PTPRN2: variants seen among roughly 807,000 people sequenced by gnomAD.
The protein encoded by PTPRN2 is protein tyrosine phosphatase receptor type N2.
In PTPRN2, 74 loss-of-function variants were observed where a neutral mutation model predicts 118.8. The ratio of observed to expected loss-of-function variants is 0.62; its 90% CI spans 0.52 to 0.76. The LOEUF is 0.76. PTPRN2 is among the 30% of genes least tolerant of loss of function. The pLI is 0.00. For synonymous variants in PTPRN2, 641 were observed against 608.0 expected, an observed-to-expected ratio of 1.05 and a Z score of -0.80; for missense variants, 1,481 against 1,394.4, an observed-to-expected ratio of 1.06 and a Z score of -0.99.
chr7:158,263,463 C>G (rs4909160), intron 3 of PTPRN2, among the ~76,000 whole-genome samples: 2 of 152,208 alleles, frequency 1.3e-5, no homozygotes, highest in East Asian at 3.9e-4. Context: ...CATCTTCTCC[C>G]GACCGCATCC....
chr7:157,682,768 C>T lies in PTPRN2; in HGVS notation c.1958G>A (p.Gly653Glu). The T allele has an allele frequency of 3.1e-6, 5 of 1,614,070 alleles. No individual in the cohort carries two copies. The highest frequency in any genetic ancestry group is 4.2e-6 in the Non-Finnish European group (5 of 1,180,054). ...ATCTGCACCTGGGTCGCCCCCTAGTCCCGAGAGCTTCTCCTTCAGCCTGTG... is the reference window on the plus strand; with the variant it reads ...ATCTGCACCTGGGTCGCCCCCTAGTTCCGAGAGCTTCTCCTTCAGCCTGTG... Reference protein sequence around the residue: ...SQHRLKEKLSGLGGDPGADAT... With the variant: ...SQHRLKEKLSELGGDPGADAT... The change falls in exon 13 of 23, where the codon GGA becomes GAA. Residue 653 changes from glycine to glutamate, a missense_variant. Around this residue, in one of 3 missense-constraint regions of PTPRN2, gnomAD observed 1,115 missense variants for 994.2 expected, o/e 1.12. Transcript: ENST00000389418.
At position 157,869,905 on chromosome 7, in the gene PTPRN2, C is replaced by A. The variant is rs980102565; in HGVS notation, c.1788+28768G>T. Among the ~76,000 whole-genome samples, 3 of 152,178 alleles carry A rather than the reference C, an allele frequency of 2.0e-5. No individual in the cohort carries two copies. The highest frequency in any genetic ancestry group is 4.4e-5 in the Non-Finnish European group (3 of 68,026). The stretch of plus-strand genomic sequence containing the variant: ...TCAACATGCAAAATGCCTTGAGCAT[C>A]CCAACATCTACTGCCATGACCTTTG... On this transcript the variant is annotated intron_variant, in intron 12 of 22. Coordinates refer to ENST00000389418, the MANE Select transcript of PTPRN2 (RefSeq NM_002847.5). The surrounding 1 kb of genome is among the most constrained non-coding windows in gnomAD (Gnocchi z 4.2).
chr7:158,337,724 ACGT>A (rs1805955837), intron 2 of PTPRN2, among the ~76,000 whole-genome samples: 1 of 150,166 alleles, frequency 6.7e-6, no homozygotes, highest in Non-Finnish European at 1.5e-5. Flanking sequence ...ACGCCCGCAG[ACGT>A]CACTCACAAC....
At chr7:158,327,017 ATAT>A (rs1803642966) in intron 2 of PTPRN2, among the ~76,000 whole-genome samples, 1 of 151,432 alleles carries the variant, frequency 6.6e-6, no homozygotes, top group Admixed American at 6.6e-5. Flanking sequence ...GCATTCTCAC[ATAT>A]ATACACATTC....
chr7:157,725,388 G>A (rs1384575459), intron 12 of PTPRN2, among the ~76,000 whole-genome samples: 1 of 76,988 alleles, frequency 1.3e-5, no homozygotes, highest in Non-Finnish European at 2.8e-5. Context: ...CCTCCCAGGA[G>A]AACTGGATAT....
intron 7 of PTPRN2, among the ~76,000 whole-genome samples, chr7:158,137,865 G>T (rs1158775709): frequency 6.6e-6 from 1 of 152,214 alleles, no homozygotes; most frequent in East Asian, 1.9e-4. Context: ...TGCCTGCCGG[G>T]GTAGTGGTGC....
At chr7:158,481,582 G>C (rs1820643887) in intron 2 of PTPRN2, among the ~76,000 whole-genome samples, 1 of 152,198 alleles carries the variant, frequency 6.6e-6, no homozygotes, top group Non-Finnish European at 1.5e-5. Flanking sequence ...CCTTGCCTCA[G>C]CCTCCCGCAT....
chr7:157,574,288 G>T (rs1563225014), intron 19 of PTPRN2: 1 of 477,850 alleles, frequency 2.1e-6, no homozygotes, highest in Non-Finnish European at 4.6e-6. Flanking sequence ...GTCAGAGGTC[G>T]TTAGAGGCTC....
Position 157,540,790 on chromosome 7 carries a change from A to T in PTPRN2, c.2977-5T>A. The T allele has an allele frequency of 6.4e-7, 1 of 1,558,292 alleles. No homozygotes were observed. The highest frequency in any genetic ancestry group is 2.4e-5 in the East Asian group (1 of 41,662). ...CAGCGCGAACTCAAACTGCTCCTGCAGGGCGAGAAACGAGAGAAGTGCCAA... is the reference window on the plus strand; with the variant it reads ...CAGCGCGAACTCAAACTGCTCCTGCTGGGCGAGAAACGAGAGAAGTGCCAA... On this transcript the variant is annotated splice_polypyrimidine_tract_variant and splice_region_variant and intron_variant, in intron 22 of 22. Coordinates refer to ENST00000389418, the MANE Select transcript of PTPRN2 (RefSeq NM_002847.5).
At chr7:158,363,186 G>A (rs1325078588) in intron 2 of PTPRN2, among the ~76,000 whole-genome samples, 1 of 152,176 alleles carries the variant, frequency 6.6e-6, no homozygotes, top group Non-Finnish European at 1.5e-5. Context: ...AGAGAGGCAA[G>A]GGGAGGACAC....
intron 12 of PTPRN2, among the ~76,000 whole-genome samples, chr7:157,838,997 AC>A (rs1277785522): frequency 4.9e-5 from 4 of 80,850 alleles, no homozygotes; most frequent in Non-Finnish European, 9.7e-5. Flanking sequence ...GCTCCTCTCC[AC>A]CGTGGCTACT....
In PTPRN2 at chr7:157,729,514, A is replaced by T. The variant is rs1799775657; in HGVS notation, c.1789-46577T>A. Among the ~76,000 whole-genome samples, 1 of 152,258 alleles carries T rather than the reference A, an allele frequency of 6.6e-6. No individual in the cohort carries two copies. The highest frequency in any genetic ancestry group is 2.4e-5 in the African/African-American group (1 of 41,472). On this transcript the variant is annotated intron_variant, in intron 12 of 22. Transcript: ENST00000389418. This position sits in a 1 kb window ranked among gnomAD's most constrained non-coding sequence, Gnocchi z 4.3. ...CAAAGTTCCCCGAAGGCAGGTGGGC[A>T]CTGTGCTGGTGCTGTCCGAGTGGAG...
intron 11 of PTPRN2, among the ~76,000 whole-genome samples, chr7:157,982,826 T>C (rs13307874): frequency 9.1e-3 from 228 of 25,004 alleles, no homozygotes; most frequent in Non-Finnish European, 0.01. Context: ...GGGTCCCCCC[T>C]AAACCCCGAG....
chr7:158,573,314 TGAG>T (rs1243990919), intron 1 of PTPRN2, among the ~76,000 whole-genome samples: 1 of 152,180 alleles, frequency 6.6e-6, no homozygotes, highest in Non-Finnish European at 1.5e-5. Flanking sequence ...CTTTGGGTGC[TGAG>T]GAGGCCAGAA....
At position 158,330,884 on chromosome 7, in the gene PTPRN2, C is replaced by A. The variant is rs561398900; in HGVS notation, c.164-13952G>T. Among the ~76,000 whole-genome samples the A allele has an allele frequency of 1.9e-5, 2 of 104,432 alleles. 1 individual carries two copies. Among genetic ancestry groups the A allele is most frequent in the East Asian group, 6.2e-4 (2 of 3,234 alleles). The allele number at this position is 104,432 out of a possible 152,430, so 68.5% of individuals were successfully genotyped here. A position where few individuals can be genotyped will look rare whatever the true frequency, so the allele number is the denominator to read the frequency against. ...GATGCCCGCAGACGTCATTCACACC[C>A]AAACTCTCACCATAAGAGCTGACAC... is the stretch of plus-strand genomic sequence containing the variant. On this transcript the variant is annotated intron_variant, in intron 2 of 22. Coordinates refer to ENST00000389418, the MANE Select transcript of PTPRN2 (RefSeq NM_002847.5).
intron 20 of PTPRN2, among the ~76,000 whole-genome samples, chr7:157,571,092 A>C (rs1799731259): frequency 6.6e-6 from 1 of 152,032 alleles, no homozygotes; most frequent in Non-Finnish European, 1.5e-5. Context: ...AAAAATACAA[A>C]AAAAATTAGC....
chr7:158,084,829 A>G (rs1239036339), intron 10 of PTPRN2, among the ~76,000 whole-genome samples: 2 of 142,056 alleles, frequency 1.4e-5, no homozygotes, highest in Admixed American at 7.1e-5. Context: ...TACAATGCCC[A>G]TCCACACCCA....
rs531818941 is a variant in PTPRN2 at position 158,441,004 on chromosome 7, G to A, written c.163+48731C>T. ...GTGGTGGTGGTGATGGCAGTGATGG[G>A]GGTGGTGGTAGTCGTGGTGGTGGTG... On this transcript the variant is annotated intron_variant, in intron 2 of 22. Coordinates refer to ENST00000389418, the MANE Select transcript of PTPRN2 (RefSeq NM_002847.5). Among the ~76,000 whole-genome samples the A allele has an allele frequency of 2.2e-3, 302 of 139,728 alleles. 14 individuals are homozygous for A. Among genetic ancestry groups the A allele is most frequent in the African/African-American group, 7.8e-3 (269 of 34,382 alleles). 91.7% of individuals were successfully genotyped at this position (139,728 alleles called of 152,430 possible). A position where few individuals can be genotyped will look rare whatever the true frequency, so the allele number is the denominator to read the frequency against.
At chr7:158,203,877 T>A (rs1354945555) in intron 4 of PTPRN2, among the ~76,000 whole-genome samples, 1 of 152,246 alleles carries the variant, frequency 6.6e-6, no homozygotes, top group Non-Finnish European at 1.5e-5. Flanking sequence ...GCACATTCTC[T>A]TTGATAAAGG....
Sources: gnomAD v4.1 joint callset for allele counts (sites outside exome capture counted in the v4.1 genomes callset) on GRCh38, gnomAD v4.1.1 for gene constraint, gnomAD v4.1.1 regional missense constraint, Gnocchi (gnomAD v3.1) non-coding constraint, MANE v1.5 for transcripts, NCBI Gene and HGNC (gene_info 2026-07-23, HGNC 2026-07-21) for gene names.